Variants in CFLAR observed in about 807,000 individuals in gnomAD.
The protein encoded by CFLAR is CASP8 and FADD like apoptosis regulator, also known as CASP8 and FADD-like apoptosis regulator.
CFLAR carries 14 observed loss-of-function variants against 51.1 expected under a neutral mutation model. The ratio of observed to expected loss-of-function variants is 0.27; its 90% CI spans 0.18 to 0.43. CFLAR has a LOEUF of 0.43. Ranked by LOEUF, CFLAR falls within the 20% of genes least tolerant of loss-of-function variation. The pLI is 1.00. For synonymous variants in CFLAR, 210 were observed against 211.6 expected (o/e 0.99, Z 0.06); for missense variants, 390 against 566.5 (o/e 0.69, Z 3.16).
At chr2:201,140,654 T>C in intron 5 of CFLAR, 1 of 477,798 alleles carries the variant, frequency 2.1e-6, no homozygotes, top group East Asian at 3.9e-5. Context: ...TAAAAGAAAA[T>C]AAATCACCTA....
intron 1 of CFLAR, among the ~76,000 whole-genome samples, chr2:201,128,510 CTT>C (rs2048927631): frequency 6.6e-6 from 1 of 152,116 alleles, no homozygotes; most frequent in Non-Finnish European, 1.5e-5. Context: ...AATTTTTCCT[CTT>C]GTTTTCATAT....
rs1409975779 is a variant in CFLAR at position 201,165,301 on chromosome 2, C to T, written c.*1328C>T. 1 of 149,034 alleles carries T rather than the reference C, an allele frequency of 6.7e-6. No individual in the cohort carries two copies. The highest frequency in any genetic ancestry group is 2.5e-5 in the African/African-American group (1 of 40,580). The allele number at this position is 149,034 out of a possible 1,614,324, so 9.2% of individuals were successfully genotyped here. On this transcript the variant is annotated 3_prime_UTR_variant, in exon 10 of 10. Coordinates refer to ENST00000309955, the MANE Select transcript of CFLAR (RefSeq NM_003879.7). ...TATTATTATTATTGAGACAGAGTTT[C>T]ATTCTGCTGCCCAGGCTGGAGTGCA...
chr2:201,132,871 G>A (rs1385905620), intron 2 of CFLAR, 158 bp from the exon 3 acceptor site: 3 of 601,688 alleles, frequency 5.0e-6, no homozygotes, highest in Non-Finnish European at 8.4e-6. Context: ...ATCTCTTCCT[G>A]GGGTGATCTA....
intron 9 of CFLAR, 104 bp from the exon 10 acceptor site, chr2:201,163,729 AAC>A: frequency 6.6e-7 from 1 of 1,509,764 alleles, no homozygotes; most frequent in South Asian, 1.3e-5. Flanking sequence ...TTCAGAAAGG[AAC>A]AGTTTCAAAG....
rs1490159975 is a variant in CFLAR at position 201,116,380 on chromosome 2, G to C, written c.-239G>C. The C allele has an allele frequency of 6.6e-6, 1 of 152,348 alleles. No individual in the cohort carries two copies. Among genetic ancestry groups the C allele is most frequent in the African/African-American group, 2.4e-5 (1 of 41,474 alleles). 9.4% of individuals were successfully genotyped at this position (152,348 alleles called of 1,614,324 possible). A position where few individuals can be genotyped will look rare whatever the true frequency, so the allele number is the denominator to read the frequency against. On this transcript the variant is annotated 5_prime_UTR_variant, in exon 1 of 10. Transcript: ENST00000309955. This position sits in a 1 kb window ranked among gnomAD's most constrained non-coding sequence, Gnocchi z 4.8. ...TCGCCCAGCACCAAGTCCGCTTCCA[G>C]GCTTTCGGTTTCTTTGCCTCCATCT...
Position 201,162,579 on chromosome 2 carries a change from A to G in CFLAR, c.1305-1256A>G, listed in dbSNP as rs115426543. On this transcript the variant is annotated intron_variant, in intron 9 of 9. Coordinates refer to ENST00000309955, the MANE Select transcript of CFLAR (RefSeq NM_003879.7). ...GAAGGTATCTGCTGCATTGAACTTG[A>G]AAGTTCACATTATCCTTATTTTTCT... is the stretch of plus-strand genomic sequence containing the variant. 1,492 of 200,068 alleles carry G rather than the reference A, an allele frequency of 7.5e-3. 7 individuals carry two copies. Among genetic ancestry groups the G allele is most frequent in the Non-Finnish European group, 0.013 (1,194 of 91,192 alleles). 12.4% of individuals were successfully genotyped at this position (200,068 alleles called of 1,614,324 possible).
intron 9 of CFLAR, 99 bp downstream of exon 9, chr2:201,161,041 C>G (rs900271654): frequency 6.0e-6 from 5 of 830,162 alleles, no homozygotes; most frequent in African/African-American, 3.4e-5. Flanking sequence ...CCATCTCTTC[C>G]GGGAGGAAAA....
chr2:201,125,988 G>A (rs1326026108), intron 1 of CFLAR, among the ~76,000 whole-genome samples: 1 of 152,092 alleles, frequency 6.6e-6, no homozygotes, highest in Non-Finnish European at 1.5e-5. Flanking sequence ...AGGGAAAAAG[G>A]CCAGATAATT....
intron 2 of CFLAR, among the ~76,000 whole-genome samples, chr2:201,131,616 A>G (rs2049333381): frequency 1.3e-5 from 2 of 152,242 alleles, no homozygotes; most frequent in Admixed American, 6.5e-5. Flanking sequence ...CAAGAACTAT[A>G]CTAAAGAGAG....
chr2:201,154,734 AC>A, intron 8 of CFLAR, among the ~76,000 whole-genome samples: 1 of 152,334 alleles, frequency 6.6e-6, no homozygotes, highest in East Asian at 1.9e-4. Context: ...TCCTCAAAAA[AC>A]CAGACTTTTA....
In CFLAR at chr2:201,136,493, G is replaced by C. The variant is rs528789320; in HGVS notation, c.523+386G>C. On this transcript the variant is annotated intron_variant, in intron 4 of 9. Transcript: ENST00000309955. ...GTCCAACTTCGGGTGATGTCACTTG[G>C]GTCTCATACCTTCCTTGCATGTGTC... The C allele has an allele frequency of 1.1e-3, 1,816 of 1,584,910 alleles. 6 individuals carry two copies. Among genetic ancestry groups the C allele is most frequent in the Middle Eastern group, 7.3e-3 (38 of 5,222 alleles).
intron 5 of CFLAR, chr2:201,141,993 T>C (rs562527023): frequency 6.6e-6 from 1 of 152,242 alleles, no homozygotes; most frequent in Non-Finnish European, 1.5e-5. Context: ...AAAATGCTTT[T>C]GGCTGAGTGT....
Position 201,176,278 on chromosome 2 carries a change from C to CGGGGGGG in CFLAR, c.*12311_*12317dup, listed in dbSNP as rs150924424. 2 of 37,722 alleles carry CGGGGGGG rather than the reference C, an allele frequency of 5.3e-5. No homozygotes were observed. Among genetic ancestry groups the CGGGGGGG allele is most frequent in the African/African-American group, 3.2e-4 (2 of 6,324 alleles). The allele number at this position is 37,722 out of a possible 1,614,324, so 2.3% of individuals were successfully genotyped here. ...GATCAGTCTCAGGTGTTTTCTATTG[C>CGGGGGGG]GGGGGGGGGGGGCGGGCGGGGGAGC... is the stretch of plus-strand genomic sequence containing the variant. On this transcript the variant is annotated 3_prime_UTR_variant, in exon 10 of 10. Transcript: ENST00000309955.
At position 201,116,424 on chromosome 2, in the gene CFLAR, G is replaced by GT. The variant is rs1242833260; in HGVS notation, c.-194dup. On this transcript the variant is annotated 5_prime_UTR_variant, in exon 1 of 10. Transcript: ENST00000309955. This position sits in a 1 kb window ranked among gnomAD's most constrained non-coding sequence, Gnocchi z 4.8. ...TCCATCTTGGGTGCGCCTTCCCGGC[G>GT]TCTAGGGGAGCGAAGGCTGAGGTGG... 1 of 152,320 alleles carries GT rather than the reference G, an allele frequency of 6.6e-6. No homozygotes were observed. Among genetic ancestry groups the GT allele is most frequent in the Non-Finnish European group, 1.5e-5 (1 of 68,112 alleles). 9.4% of individuals were successfully genotyped at this position (152,320 alleles called of 1,614,324 possible).
intron 8 of CFLAR, among the ~76,000 whole-genome samples, chr2:201,154,966 G>A (rs1425125036): frequency 1.3e-5 from 2 of 152,240 alleles, no homozygotes; most frequent in Non-Finnish European, 2.9e-5. Flanking sequence ...ATGGAGTTCA[G>A]TAACCTCTTC....
intron 1 of CFLAR, among the ~76,000 whole-genome samples, chr2:201,127,699 T>C (rs1051970162): frequency 6.6e-6 from 1 of 152,188 alleles, no homozygotes; most frequent in Non-Finnish European, 1.5e-5. Context: ...TTGTTGCATC[T>C]GAGTGGGCTG....
rs1286128941 is a variant in CFLAR, at chr2:201,164,549, C to T, written c.*576C>T. On this transcript the variant is annotated 3_prime_UTR_variant, in exon 10 of 10. Transcript: ENST00000309955. Reference sequence around the variant, plus strand: ...ATGGAGGCCAGAAGACTACACCAGTCTAGTCTTTCCATGTTTTGCCTGCTT... The same window carrying T: ...ATGGAGGCCAGAAGACTACACCAGTTTAGTCTTTCCATGTTTTGCCTGCTT... The T allele has an allele frequency of 6.6e-6, 1 of 152,216 alleles. No individual in the cohort carries two copies. The highest frequency in any genetic ancestry group is 2.4e-5 in the African/African-American group (1 of 41,448). 9.4% of individuals were successfully genotyped at this position (152,216 alleles called of 1,614,324 possible).
intron 8 of CFLAR, among the ~76,000 whole-genome samples, chr2:201,154,812 G>T (rs898922919): frequency 6.6e-6 from 1 of 152,258 alleles, no homozygotes; most frequent in African/African-American, 2.4e-5. Flanking sequence ...GTAAATGTTC[G>T]TTGAGGGCCT....
intron 7 of CFLAR, chr2:201,149,307 A>G (rs1286236326): frequency 1.3e-5 from 5 of 387,768 alleles, no homozygotes; most frequent in Non-Finnish European, 2.4e-5. Flanking sequence ...ACTGCTGAAC[A>G]TATTAGTCAG....
Sources: gnomAD v4.1 joint callset for allele counts (sites outside exome capture counted in the v4.1 genomes callset) on GRCh38, gnomAD v4.1.1 for gene constraint, Gnocchi (gnomAD v3.1) non-coding constraint, MANE v1.5 for transcripts, NCBI Gene and HGNC (gene_info 2026-07-23, HGNC 2026-07-21) for gene names.